The following FGF18 variants were observed in gnomAD, a reference collection of about 807,000 sequenced individuals.
The protein encoded by FGF18 is fibroblast growth factor 18.
FGF18 carries 5 observed loss-of-function variants against 23.0 expected under a neutral mutation model. The observed-to-expected ratio is 0.22, with a 90% CI of 0.11 to 0.46. The LOEUF (loss-of-function observed/expected upper bound fraction) is 0.46. FGF18 is among the 20% of genes least tolerant of loss of function. The pLI, the probability that FGF18 is intolerant of heterozygous loss-of-function variation, is 0.99. For synonymous variants in FGF18, 117 were observed against 118.9 expected, an observed-to-expected ratio of 0.98 and a Z score of 0.10; for missense variants, 180 against 291.6, an observed-to-expected ratio of 0.62 and a Z score of 2.79.
chr5:171,423,358 T>C (rs1772045519), intron 2 of FGF18, among the ~76,000 whole-genome samples: 1 of 152,258 alleles, frequency 6.6e-6, no homozygotes. Context: ...TAAATTGCTT[T>C]TCTGCACTTG....
chr5:171,446,334 G>C (rs901301798), intron 3 of FGF18, among the ~76,000 whole-genome samples: 1 of 152,168 alleles, frequency 6.6e-6, no homozygotes, highest in East Asian at 1.9e-4. Context: ...TGAGGGGTGG[G>C]GGTTGTGCTG....
chr5:171,420,486 G>C (rs747506895), intron 2 of FGF18, 43 bp downstream of exon 2: 1 of 1,591,332 alleles, frequency 6.3e-7, no homozygotes, highest in Non-Finnish European at 8.6e-7. Flanking sequence ...CCCCTGCCTC[G>C]CGGTACACGC....
intron 2 of FGF18, among the ~76,000 whole-genome samples, chr5:171,424,095 A>T (rs947222415): frequency 6.6e-6 from 1 of 152,056 alleles, no homozygotes; most frequent in Non-Finnish European, 1.5e-5. Flanking sequence ...TCATCCATCC[A>T]TCCACAGTCA....
At chr5:171,423,700 G>C (rs1305510837) in intron 2 of FGF18, among the ~76,000 whole-genome samples, 2 of 151,828 alleles carry the variant, frequency 1.3e-5, no homozygotes, top group African/African-American at 4.8e-5. Flanking sequence ...CTTTAAGCTG[G>C]TTAGGATGGG....
intron 4 of FGF18, among the ~76,000 whole-genome samples, chr5:171,453,465 G>A (rs559856801): frequency 6.6e-6 from 1 of 152,256 alleles, no homozygotes; most frequent in African/African-American, 2.4e-5. Context: ...ATGTGGGCCT[G>A]GGGGAGGCGA....
At chr5:171,450,440 C>G (rs965178051) in intron 4 of FGF18, among the ~76,000 whole-genome samples, 8 of 152,094 alleles carry the variant, frequency 5.3e-5, no homozygotes, top group Non-Finnish European at 1.0e-4. Flanking sequence ...CCAGTGAATC[C>G]CAGGAGGCTG....
chr5:171,443,641 C>T (rs10475560), intron 3 of FGF18, among the ~76,000 whole-genome samples: 24,092 of 151,380 alleles, frequency 0.16, 2,170 homozygotes, highest in South Asian at 0.31. Flanking sequence ...TGAGCCACCG[C>T]GCCTGGCCTG....
At chr5:171,437,778 C>T (rs1772273845) in intron 3 of FGF18, among the ~76,000 whole-genome samples, 1 of 152,202 alleles carries the variant, frequency 6.6e-6, no homozygotes, top group African/African-American at 2.4e-5. Context: ...CTGGCCGTGG[C>T]AGGAGGAGGT....
chr5:171,456,836 T>C lies in FGF18; in HGVS notation c.*31T>C. The C allele has an allele frequency of 3.2e-6, 5 of 1,582,236 alleles. No individual in the cohort carries two copies. Among genetic ancestry groups the C allele is most frequent in the Non-Finnish European group, 4.3e-6 (5 of 1,164,160 alleles). ...CCCGCCGCGGCCCCTCAGGTCGCCCTGGCCACACTCACACTCCCAGAAAAC... is the reference window on the plus strand; with the variant it reads ...CCCGCCGCGGCCCCTCAGGTCGCCCCGGCCACACTCACACTCCCAGAAAAC... On this transcript the variant is annotated 3_prime_UTR_variant, in exon 5 of 5. Transcript: ENST00000274625. The surrounding 1 kb of genome is among the most constrained non-coding windows in gnomAD (Gnocchi z 6.1).
At chr5:171,426,683 C>A (rs943879551) in intron 2 of FGF18, among the ~76,000 whole-genome samples, 1 of 152,222 alleles carries the variant, frequency 6.6e-6, no homozygotes, top group African/African-American at 2.4e-5. Context: ...GGGTTCCAAT[C>A]CTGGCTCTGT....
At position 171,436,033 on chromosome 5, in the gene FGF18, C is replaced by T. The variant is rs1581273767; in HGVS notation, c.70-60C>T. On this transcript the variant is annotated intron_variant, in intron 2 of 4. Transcript: ENST00000274625. This position sits in a 1 kb window ranked among gnomAD's most constrained non-coding sequence, Gnocchi z 4.4. ...GTCTTTGTGGTGGACGTGGCTGGCT[C>T]CTGCATGCAGTGGGCCTGGGACATC... is the stretch of plus-strand genomic sequence containing the variant. 3 of 1,368,128 alleles carry T rather than the reference C, an allele frequency of 2.2e-6. No homozygotes were observed. The highest frequency in any genetic ancestry group is 2.9e-6 in the Non-Finnish European group (3 of 1,041,212). The allele number at this position is 1,368,128 out of a possible 1,614,324, so 84.7% of individuals were successfully genotyped here.
At chr5:171,443,892 G>A (rs1772382497) in intron 3 of FGF18, among the ~76,000 whole-genome samples, 1 of 151,780 alleles carries the variant, frequency 6.6e-6, no homozygotes, top group Non-Finnish European at 1.5e-5. Context: ...GCCCTGGGGA[G>A]ACAGGCTCTG....
chr5:171,429,279 G>A (rs996250558), intron 2 of FGF18, among the ~76,000 whole-genome samples: 1 of 152,324 alleles, frequency 6.6e-6, no homozygotes, highest in African/African-American at 2.4e-5. Flanking sequence ...GGCCAGTCCC[G>A]TGGCCTCTCT....
chr5:171,432,966 G>A (rs969184343), intron 2 of FGF18, among the ~76,000 whole-genome samples: 1 of 152,178 alleles, frequency 6.6e-6, no homozygotes, highest in Non-Finnish European at 1.5e-5. Flanking sequence ...AGTGTTCGGG[G>A]GCCCTCACCC....
At position 171,440,228 on chromosome 5, in the gene FGF18, G is replaced by GGC. The variant is rs1411152736; in HGVS notation, c.250+3956_250+3957insCG. 6.6e-6 allele frequency among the ~76,000 whole-genome samples: 1 copy of GGC among 151,992 alleles called. No individual in the cohort carries two copies. Among genetic ancestry groups the GGC allele is most frequent in the African/African-American group, 2.4e-5 (1 of 41,388 alleles). On this transcript the variant is annotated intron_variant, in intron 3 of 4. Coordinates refer to ENST00000274625, the MANE Select transcript of FGF18 (RefSeq NM_003862.3). This position sits in a 1 kb window ranked among gnomAD's most constrained non-coding sequence, Gnocchi z 4.0. Reference sequence around the variant, plus strand: ...TGACCTCCTTACTATGGGTGTGTGGGGGGGGGTGGTGCCATCGCGGGCTCA... The same window carrying GGC: ...TGACCTCCTTACTATGGGTGTGTGGGGCGGGGGGTGGTGCCATCGCGGGCTCA...
rs1385414790 is a variant in FGF18, at chr5:171,451,455, G to A, written c.357+2202G>A. On this transcript the variant is annotated intron_variant, in intron 4 of 4. Coordinates refer to ENST00000274625, the MANE Select transcript of FGF18 (RefSeq NM_003862.3). The surrounding 1 kb of genome is among the most constrained non-coding windows in gnomAD (Gnocchi z 4.5). Reference sequence around the variant, plus strand: ...GCCTCCCTGCCCAGTCGTACCTTAGGCCCTGGGTGTCCCCTCCTGCCCTAA... The same window carrying A: ...GCCTCCCTGCCCAGTCGTACCTTAGACCCTGGGTGTCCCCTCCTGCCCTAA... 6.6e-6 allele frequency among the ~76,000 whole-genome samples: 1 copy of A among 152,168 alleles called. No individual in the cohort carries two copies. The highest frequency in any genetic ancestry group is 1.5e-5 in the Non-Finnish European group (1 of 68,010).
At chr5:171,433,608 G>A (rs756434311) in intron 2 of FGF18, among the ~76,000 whole-genome samples, 4 of 152,180 alleles carry the variant, frequency 2.6e-5, no homozygotes, top group Non-Finnish European at 5.9e-5. Context: ...GACCCGGGCT[G>A]TGAGTGGTGA....
At chr5:171,448,014 C>T (rs577856405) in intron 3 of FGF18, among the ~76,000 whole-genome samples, 10 of 152,218 alleles carry the variant, frequency 6.6e-5, no homozygotes, top group African/African-American at 1.7e-4. Context: ...AGAGAGGGCG[C>T]GTGGCCTACC....
intron 4 of FGF18, among the ~76,000 whole-genome samples, chr5:171,450,630 G>T (rs1772484790): frequency 6.6e-6 from 1 of 152,192 alleles, no homozygotes; most frequent in Non-Finnish European, 1.5e-5. Flanking sequence ...ATAGTAATCC[G>T]CAGAGCGCGG....
Sources: gnomAD v4.1 joint callset for allele counts (sites outside exome capture counted in the v4.1 genomes callset) on GRCh38, gnomAD v4.1.1 for gene constraint, Gnocchi (gnomAD v3.1) non-coding constraint, MANE v1.5 for transcripts, NCBI Gene and HGNC (gene_info 2026-07-23, HGNC 2026-07-21) for gene names.